NAA15: variants seen among roughly 807,000 people sequenced by gnomAD.
The protein encoded by NAA15 is N-terminal acetyltransferase.
A neutral mutation model predicts 114.0 loss-of-function variants in NAA15; 34 were observed. That is an observed-to-expected ratio of 0.30 (90% CI 0.23 to 0.40). The LOEUF (loss-of-function observed/expected upper bound fraction) is 0.40, where lower values mean the gene tolerates loss of function less well. Among genes scored for constraint, NAA15 ranks in the 10% least tolerant of loss-of-function variants. NAA15 has a pLI of 1.00. For missense variants in NAA15, 658 were observed against 1,004.5 expected, an observed-to-expected ratio of 0.66 and a Z score of 4.66; for synonymous variants, 340 against 338.0, an observed-to-expected ratio of 1.01 and a Z score of -0.06.
chr4:139,308,706 C>T (rs1281419060), intron 1 of NAA15, among the ~76,000 whole-genome samples: 2 of 152,130 alleles, frequency 1.3e-5, no homozygotes, highest in African/African-American at 4.8e-5. Context: ...ACCTCCACCT[C>T]CCAGGTTCAA....
At chr4:139,350,129 A>C (rs948359742) in intron 7 of NAA15, among the ~76,000 whole-genome samples, 1 of 152,104 alleles carries the variant, frequency 6.6e-6, no homozygotes, top group Non-Finnish European at 1.5e-5. Context: ...AAAAATTCAC[A>C]AATGCATAGT....
At chr4:139,352,575 C>T (rs1488320171) in intron 9 of NAA15, among the ~76,000 whole-genome samples, 1 of 151,768 alleles carries the variant, frequency 6.6e-6, no homozygotes, top group Non-Finnish European at 1.5e-5. Context: ...ATTTATTTGC[C>T]GGTCTTTTGT....
chr4:139,356,856 A>G (rs1747968526), intron 10 of NAA15, among the ~76,000 whole-genome samples: 1 of 152,114 alleles, frequency 6.6e-6, no homozygotes, highest in Admixed American at 6.5e-5. Context: ...GACTTAAATT[A>G]TGCATCTTTG....
intron 1 of NAA15, among the ~76,000 whole-genome samples, chr4:139,332,019 A>G (rs1308098070): frequency 6.6e-6 from 1 of 151,882 alleles, no homozygotes; most frequent in Non-Finnish European, 1.5e-5. Flanking sequence ...CACTAGTTCG[A>G]TTTTTGCTCT....
chr4:139,321,250 TA>T (rs899674027), intron 1 of NAA15, among the ~76,000 whole-genome samples: 13 of 152,106 alleles, frequency 8.5e-5, no homozygotes, highest in African/African-American at 3.1e-4. Context: ...TGACTTCTAT[TA>T]AACATTTCCA....
chr4:139,341,086 C>A lies in NAA15; in HGVS notation c.402+17C>A. ...GGTTACAGGGTAAGTAAAATAGAGA[C>A]TTTTTTTTTTAATTCTAAGGGGAAA... is the stretch of plus-strand genomic sequence containing the variant. On this transcript the variant is annotated intron_variant, in intron 4 of 19. Transcript: ENST00000296543. The A allele has an allele frequency of 1.5e-6, 2 of 1,326,632 alleles. No individual in the cohort carries two copies. The highest frequency in any genetic ancestry group is 1.7e-5 in the South Asian group (1 of 57,396). 82.2% of individuals were successfully genotyped at this position (1,326,632 alleles called of 1,614,324 possible). A position where few individuals can be genotyped will look rare whatever the true frequency, so the allele number is the denominator to read the frequency against.
Position 139,389,218 on chromosome 4 carries a change from A to G in NAA15, c.*1134A>G, listed in dbSNP as rs897895961. On this transcript the variant is annotated 3_prime_UTR_variant, in exon 20 of 20. Transcript: ENST00000296543. ...GATTTTTTTTTTTTTTTTTTTTTTC[A>G]AATAACAGACCAGCTTCTTTTTCTT... 1 of 110,224 alleles carries G rather than the reference A, an allele frequency of 9.1e-6. No individual in the cohort carries two copies. The highest frequency in any genetic ancestry group is 1.9e-5 in the Non-Finnish European group (1 of 52,316). The allele number at this position is 110,224 out of a possible 1,614,324, so 6.8% of individuals were successfully genotyped here.
At chr4:139,307,101 A>G (rs1225654631) in intron 1 of NAA15, among the ~76,000 whole-genome samples, 1 of 152,174 alleles carries the variant, frequency 6.6e-6, no homozygotes. Flanking sequence ...TAGCATGATG[A>G]TTATGTTTGT....
At chr4:139,342,214 G>C (rs1320155239) in intron 4 of NAA15, among the ~76,000 whole-genome samples, 1 of 151,904 alleles carries the variant, frequency 6.6e-6, no homozygotes, top group Non-Finnish European at 1.5e-5. Flanking sequence ...CCTTTGTGCT[G>C]TTCTTTCCAT....
chr4:139,331,878 G>GT (rs945026077), intron 1 of NAA15, among the ~76,000 whole-genome samples: 1 of 152,000 alleles, frequency 6.6e-6, no homozygotes, highest in African/African-American at 2.4e-5. Flanking sequence ...ACAAGCTTTT[G>GT]TTTTTTCTGG....
In NAA15 at chr4:139,387,946, T is replaced by C. The variant is rs533525090; in HGVS notation, c.2463T>C (p.Ala821=). The C allele has an allele frequency of 2.5e-6, 4 of 1,614,052 alleles. No individual in the cohort carries two copies. Among genetic ancestry groups the C allele is most frequent in the Middle Eastern group, 1.7e-4 (1 of 6,056 alleles). The part of the protein sequence containing the change: ...DGSLGDCKEA[A]EIYRANCHKL... ...GCCTAGGAGACTGTAAAGAAGCTGC[T>C]GAAATTTATAGAGCAAATTGTCATA... Residue 821 remains alanine, a synonymous_variant, in exon 20 of 20, where the codon GCT becomes GCC. Coordinates refer to ENST00000296543, the MANE Select transcript of NAA15 (RefSeq NM_057175.5).
chr4:139,363,770 T>TGA (rs1748202138), intron 14 of NAA15, among the ~76,000 whole-genome samples: 1 of 152,234 alleles, frequency 6.6e-6, no homozygotes, highest in African/African-American at 2.4e-5. Flanking sequence ...ACATGGGTAT[T>TGA]GAGATTTTCT....
chr4:139,321,638 AT>A (rs35673045), intron 1 of NAA15, among the ~76,000 whole-genome samples: 25,605 of 132,458 alleles, frequency 0.19, 2,488 homozygotes, highest in Non-Finnish European at 0.25. Context: ...CGCCTGGCTA[AT>A]TTTTTTTTTT....
chr4:139,376,821 C>CT (rs1200853867), intron 16 of NAA15, among the ~76,000 whole-genome samples: 2 of 152,094 alleles, frequency 1.3e-5, no homozygotes, highest in Non-Finnish European at 2.9e-5. Context: ...TAAATGTTAG[C>CT]TATTATTAGC....
chr4:139,313,155 C>T (rs1444409457), intron 1 of NAA15, among the ~76,000 whole-genome samples: 2 of 151,854 alleles, frequency 1.3e-5, no homozygotes, highest in Admixed American at 1.3e-4. Flanking sequence ...TGAAAGTTTG[C>T]TTTTAAAAAC....
chr4:139,311,241 G>A (rs892169992), intron 1 of NAA15, among the ~76,000 whole-genome samples: 2 of 151,956 alleles, frequency 1.3e-5, no homozygotes, highest in Non-Finnish European at 2.9e-5. Flanking sequence ...CAATTAAAAT[G>A]TAGGGTTTAT....
intron 7 of NAA15, 70 bp from the exon 8 acceptor site, chr4:139,351,121 G>A (rs1489506548): frequency 1.4e-6 from 1 of 739,944 alleles, no homozygotes; most frequent in Non-Finnish European, 2.1e-6. Context: ...ACTTTGAGAA[G>A]TTCGTAATTT....
chr4:139,301,717 G>A lies in NAA15; in HGVS notation c.-61G>A. The A allele has an allele frequency of 6.6e-7, 1 of 1,522,228 alleles. No homozygotes were observed. Among genetic ancestry groups the A allele is most frequent in the East Asian group, 2.5e-5 (1 of 39,510 alleles). 94.3% of individuals were successfully genotyped at this position (1,522,228 alleles called of 1,614,324 possible). ...GCAGCTACGGAACGGCAGCGGCGGC[G>A]GTCGGACAAACTGACTGACCGAGCC... is the stretch of plus-strand genomic sequence containing the variant. On this transcript the variant is annotated 5_prime_UTR_variant, in exon 1 of 20. Coordinates refer to ENST00000296543, the MANE Select transcript of NAA15 (RefSeq NM_057175.5).
At chr4:139,327,342 C>T (rs4863647) in intron 1 of NAA15, among the ~76,000 whole-genome samples, 40,419 of 152,066 alleles carry the variant, frequency 0.27, 5,698 homozygotes, top group African/African-American at 0.35. Context: ...CTCCGTTTCC[C>T]GGGTTCAAGT....
Sources: allele counts gnomAD v4.1 joint callset (sites outside exome capture counted in the v4.1 genomes callset), GRCh38; gene constraint gnomAD v4.1.1; transcripts MANE v1.5; gene names NCBI Gene and HGNC (gene_info 2026-07-23, HGNC 2026-07-21).